The following REDIC1 variants were observed in gnomAD, a reference collection of about 807,000 sequenced individuals.
REDIC1 encodes the protein regulator of DNA class I crossover intermediates 1.
chr12:39,712,414 A>G, the REDIC1 span, among the ~76,000 whole-genome samples: 1 of 134,572 alleles, frequency 7.4e-6, no homozygotes, highest in African/African-American at 2.6e-5. Context: ...ATACATACGT[A>G]TATACATACG....
the REDIC1 span, among the ~76,000 whole-genome samples, chr12:39,863,540 T>C: frequency 6.6e-6 from 1 of 152,276 alleles, no homozygotes; most frequent in South Asian, 2.1e-4. Flanking sequence ...AAAGTAACTG[T>C]GTTAAAAACA....
chr12:39,858,620 T>C, the REDIC1 span, among the ~76,000 whole-genome samples: 2 of 152,198 alleles, frequency 1.3e-5, no homozygotes, highest in East Asian at 3.8e-4. Flanking sequence ...TTTGTTTGTT[T>C]GTTTGAGATG....
At chr12:39,637,070 C>T in the REDIC1 span, among the ~76,000 whole-genome samples, 5 of 151,610 alleles carry the variant, frequency 3.3e-5, no homozygotes, top group African/African-American at 1.2e-4. Context: ...CTTTTTTTCT[C>T]CTTTCTCTCC....
the REDIC1 span, among the ~76,000 whole-genome samples, chr12:39,794,027 T>A: frequency 6.6e-6 from 1 of 151,086 alleles, no homozygotes; most frequent in Non-Finnish European, 1.5e-5. Flanking sequence ...ACTTTCTTGT[T>A]CTCTGATACT....
At chr12:39,670,144 G>T in the REDIC1 span, among the ~76,000 whole-genome samples, 2 of 152,258 alleles carry the variant, frequency 1.3e-5, no homozygotes, top group African/African-American at 4.8e-5. Context: ...TGTAGCTCAC[G>T]CTGGGAGCTG....
chr12:39,714,371 C>G, the REDIC1 span, among the ~76,000 whole-genome samples: 1 of 137,986 alleles, frequency 7.2e-6, no homozygotes, highest in African/African-American at 2.6e-5. Context: ...ATATGTGCTT[C>G]CATGTATATG....
At chr12:39,739,259 C>A in the REDIC1 span, among the ~76,000 whole-genome samples, 1 of 152,112 alleles carries the variant, frequency 6.6e-6, no homozygotes, top group Non-Finnish European at 1.5e-5. Flanking sequence ...GAGGACCTAC[C>A]ATATGGAAAT....
At chr12:39,638,975 A>G in the REDIC1 span, among the ~76,000 whole-genome samples, 1 of 152,028 alleles carries the variant, frequency 6.6e-6, no homozygotes. Context: ...ACTGAGCTCT[A>G]TAACATGGAA....
chr12:39,853,576 T>A, the REDIC1 span, among the ~76,000 whole-genome samples: 1 of 151,890 alleles, frequency 6.6e-6, no homozygotes, highest in Non-Finnish European at 1.5e-5. Context: ...TTTCCTTCCT[T>A]TCTTCCTTCC....
the REDIC1 span, among the ~76,000 whole-genome samples, chr12:39,837,599 A>C: frequency 6.8e-6 from 1 of 147,898 alleles, no homozygotes; most frequent in Non-Finnish European, 1.5e-5. Context: ...CATCTGACAA[A>C]GGGCTAATAT....
the REDIC1 span, among the ~76,000 whole-genome samples, chr12:39,732,747 T>A: frequency 1.3e-5 from 2 of 152,216 alleles, 1 homozygote; most frequent in South Asian, 4.1e-4. Context: ...CATATTTGAT[T>A]GGTTTCAGTC....
the REDIC1 span, among the ~76,000 whole-genome samples, chr12:39,705,966 C>T: frequency 1.3e-5 from 2 of 151,840 alleles, no homozygotes; most frequent in Non-Finnish European, 2.9e-5. Context: ...GAAGTTCTAT[C>T]TAGAGCATGA....
the REDIC1 span, among the ~76,000 whole-genome samples, chr12:39,901,434 C>T: frequency 6.9e-6 from 1 of 145,492 alleles, no homozygotes; most frequent in Non-Finnish European, 1.5e-5. Context: ...ATTTTCGCAA[C>T]CTACTCATCT....
chr12:39,738,549 T>C, the REDIC1 span, among the ~76,000 whole-genome samples: 1 of 152,348 alleles, frequency 6.6e-6, no homozygotes, highest in Non-Finnish European at 1.5e-5. Flanking sequence ...GTTTGCAATT[T>C]CTTTGACACT....
the REDIC1 span, among the ~76,000 whole-genome samples, chr12:39,834,049 G>A: frequency 2.0e-5 from 3 of 151,896 alleles, no homozygotes; most frequent in East Asian, 3.9e-4. Context: ...CTATTAGATC[G>A]TACCCTTTTG....
chr12:39,784,772 A>G, the REDIC1 span, among the ~76,000 whole-genome samples: 21,439 of 152,208 alleles, frequency 0.14, 1,784 homozygotes, highest in East Asian at 0.39. Flanking sequence ...AGAAACTACC[A>G]TCAGAGTGAA....
the REDIC1 span, among the ~76,000 whole-genome samples, chr12:39,666,674 C>T: frequency 1.1e-3 from 161 of 152,174 alleles, 1 homozygote; most frequent in Middle Eastern, 0.014. Context: ...TGGTAGAATT[C>T]GGCTGTGAAT....
At chr12:39,819,208 T>C in the REDIC1 span, among the ~76,000 whole-genome samples, 1 of 152,192 alleles carries the variant, frequency 6.6e-6, no homozygotes, top group South Asian at 2.1e-4. Flanking sequence ...TCAAGAACAA[T>C]AAGGAATATA....
the REDIC1 span, among the ~76,000 whole-genome samples, chr12:39,666,691 G>C: frequency 6.6e-6 from 1 of 152,176 alleles, no homozygotes; most frequent in Non-Finnish European, 1.5e-5. Context: ...GAATCCATCT[G>C]GTCCTGGACT....
Sources: allele counts gnomAD v4.1 joint callset (sites outside exome capture counted in the v4.1 genomes callset), GRCh38; gene constraint gnomAD v4.1.1; transcripts MANE v1.5; gene names NCBI Gene and HGNC (gene_info 2026-07-23, HGNC 2026-07-21).